Variants in ABCA1 observed in about 807,000 individuals in gnomAD.
ABCA1 encodes the protein phospholipid-transporting ATPase ABCA1.
In ABCA1, 133 loss-of-function variants were observed where a neutral mutation model predicts 262.5. The observed-to-expected ratio is 0.51, with a 90% CI of 0.44 to 0.59. The LOEUF (loss-of-function observed/expected upper bound fraction) is 0.59. ABCA1 is among the 20% of genes least tolerant of loss of function. The pLI, the probability that ABCA1 is intolerant of heterozygous loss-of-function variation, is 0.00. For synonymous variants in ABCA1, 1,022 were observed against 1,043.5 expected (o/e 0.98, Z 0.40); for missense variants, 2,452 against 2,777.5 (o/e 0.88, Z 2.63).
chr9:104,831,842 G>A lies in ABCA1; in HGVS notation c.1510-15C>T. 1 of 1,613,746 alleles carries A rather than the reference G, an allele frequency of 6.2e-7. No individual in the cohort carries two copies. The highest frequency in any genetic ancestry group is 1.1e-5 in the South Asian group (1 of 91,074). On this transcript the variant is annotated splice_polypyrimidine_tract_variant and intron_variant, in intron 12 of 49. Transcript: ENST00000374736. Reference sequence around the variant, plus strand: ...AGGTTGACACACTGATAGAAGAACAGCCTTCATGAGAACGTTGGCAGCCAG... The same window carrying A: ...AGGTTGACACACTGATAGAAGAACAACCTTCATGAGAACGTTGGCAGCCAG...
chr9:104,794,512 T>TTAA lies in ABCA1; in HGVS notation c.5383-3_5383-2insTTA, dbSNP rs1829705188. On this transcript the variant is annotated splice_polypyrimidine_tract_variant and splice_region_variant and intron_variant, in intron 39 of 49. Coordinates refer to ENST00000374736, the MANE Select transcript of ABCA1 (RefSeq NM_005502.4). ...GATATCATTGATATTATTCAGCTTC[T>TTAA]AAAAAAAAAAAAAAAAAATGGGAGG... is the stretch of plus-strand genomic sequence containing the variant. 3.9e-6 allele frequency: 5 copies of TTAA among 1,288,028 alleles called. No individual in the cohort carries two copies. Among genetic ancestry groups the TTAA allele is most frequent in the South Asian group, 2.9e-5 (2 of 69,314 alleles). The allele number at this position is 1,288,028 out of a possible 1,614,324, so 79.8% of individuals were successfully genotyped here. A position where few individuals can be genotyped will look rare whatever the true frequency, so the allele number is the denominator to read the frequency against.
intron 7 of ABCA1, among the ~76,000 whole-genome samples, chr9:104,848,609 G>A (rs114548000): frequency 0.017 from 2,397 of 144,368 alleles, 53 homozygotes; most frequent in African/African-American, 0.058. Flanking sequence ...AGTGAGACTC[G>A]GTCTCAGAAA....
chr9:104,844,749 G>A (rs1185661489), intron 8 of ABCA1, among the ~76,000 whole-genome samples: 1 of 152,188 alleles, frequency 6.6e-6, no homozygotes, highest in African/African-American at 2.4e-5. Flanking sequence ...TATTGTTTGT[G>A]AGCACTGCCC....
chr9:104,832,373 G>C (rs188835766), intron 12 of ABCA1, among the ~76,000 whole-genome samples: 36 of 152,326 alleles, frequency 2.4e-4, no homozygotes, highest in East Asian at 1.2e-3. Context: ...ACTAAAGCTA[G>C]AGTTTATTTA....
intron 33 of ABCA1, 81 bp downstream of exon 33, chr9:104,803,203 C>T: frequency 2.0e-6 from 3 of 1,500,466 alleles, no homozygotes; most frequent in South Asian, 1.1e-5. Flanking sequence ...GACAAACAAT[C>T]CCCAAGGCTT....
chr9:104,919,044 CTCT>C (rs1382444603), intron 1 of ABCA1, among the ~76,000 whole-genome samples: 1 of 152,176 alleles, frequency 6.6e-6, no homozygotes, highest in Non-Finnish European at 1.5e-5. Flanking sequence ...GGCCAGAAAC[CTCT>C]TCTTCCTTTT....
intron 1 of ABCA1, among the ~76,000 whole-genome samples, chr9:104,912,743 T>C (rs546419674): frequency 3.9e-5 from 6 of 152,270 alleles, no homozygotes; most frequent in African/African-American, 1.4e-4. Flanking sequence ...TTTTCCCTGG[T>C]CGGGGGGTAT....
chr9:104,873,443 G>A (rs80192261), intron 5 of ABCA1, among the ~76,000 whole-genome samples: 2,547 of 152,320 alleles, frequency 0.017, 71 homozygotes, highest in African/African-American at 0.058. Flanking sequence ...CTGAAGCCAG[G>A]AAGTGGAGTG....
chr9:104,843,341 C>G (rs914350239), intron 8 of ABCA1, among the ~76,000 whole-genome samples: 13 of 152,210 alleles, frequency 8.5e-5, no homozygotes, highest in African/African-American at 3.1e-4. Context: ...TTCCCATCAC[C>G]CAGATGTGAA....
chr9:104,821,673 G>A lies in ABCA1; in HGVS notation c.2829-167C>T, dbSNP rs73519850. 9.4e-3 allele frequency among the ~76,000 whole-genome samples: 1,426 copies of A among 152,140 alleles called. 24 individuals carry two copies. The highest frequency in any genetic ancestry group is 0.032 in the African/African-American group (1,316 of 41,502). ...CAAAGCAAAGCTGTCCTTTTGCTTCGGTAAATAACTACAAGTGGGCCTATG... is the reference window on the plus strand; with the variant it reads ...CAAAGCAAAGCTGTCCTTTTGCTTCAGTAAATAACTACAAGTGGGCCTATG... On this transcript the variant is annotated intron_variant, in intron 19 of 49. Transcript: ENST00000374736.
intron 2 of ABCA1, among the ~76,000 whole-genome samples, chr9:104,901,787 T>C (rs919195388): frequency 1.3e-4 from 20 of 152,190 alleles, no homozygotes; most frequent in African/African-American, 4.8e-4. Flanking sequence ...GTTAGTGGTG[T>C]GGACCTCAGA....
At position 104,806,323 on chromosome 9, in the gene ABCA1, G is replaced by A; in HGVS notation, c.4382C>T (p.Pro1461Leu). Residue 1461 changes from proline (P) to leucine (L), a missense_variant, in exon 31 of 50, where the codon CCT becomes CTT. By Grantham distance (98) the Pro-to-Leu change is moderately conservative. Around this residue, in one of 4 missense-constraint regions of ABCA1, gnomAD observed 665 missense variants for 727.3 expected, o/e 0.91. Transcript: ENST00000374736. Reference protein sequence around the residue: ...NGNWTMQNPSPACQCSSDKIK... With the variant: ...NGNWTMQNPSLACQCSSDKIK... The stretch of plus-strand genomic sequence containing the variant: ...TTTGTCGCTGCTACACTGGCATGCA[G>A]GTGAAGGGTTCTGCATTGTCCAGTT... 1 of 1,614,180 alleles carries A rather than the reference G, an allele frequency of 6.2e-7. No homozygotes were observed. The highest frequency in any genetic ancestry group is 8.5e-7 in the Non-Finnish European group (1 of 1,180,044).
chr9:104,825,775 T>C lies in ABCA1; in HGVS notation c.2450A>G (p.Asp817Gly). The change falls in exon 17 of 50, where the codon GAT becomes GGT. Residue 817 changes from aspartate (D) to glycine (G), a missense_variant. By Grantham distance (94) the Asp-to-Gly change is moderately conservative. Coordinates refer to ENST00000374736, the MANE Select transcript of ABCA1 (RefSeq NM_005502.4). ...GACCGAAGTGGTGAGATTGAAGCCA[T>C]CTTCCTCCACAGGACTCTCAAACAG... is the stretch of plus-strand genomic sequence containing the variant. ...DNLFESPVEEDGFNLTTSVSM... is the reference protein window; with the variant it reads ...DNLFESPVEEGGFNLTTSVSM... 6.2e-7 allele frequency: 1 copy of C among 1,614,216 alleles called. No homozygotes were observed.
At chr9:104,899,735 A>G (rs1299523039) in intron 2 of ABCA1, among the ~76,000 whole-genome samples, 1 of 151,896 alleles carries the variant, frequency 6.6e-6, no homozygotes, top group African/African-American at 2.4e-5. Flanking sequence ...CAGCCACATG[A>G]CTAGTCAGAT....
chr9:104,789,456 A>T (rs891844150), intron 44 of ABCA1, among the ~76,000 whole-genome samples: 3 of 152,232 alleles, frequency 2.0e-5, no homozygotes, highest in Non-Finnish European at 2.9e-5. Flanking sequence ...AAGAGACAGG[A>T]GAGGAGATCA....
Position 104,831,043 on chromosome 9 carries a change from C to T in ABCA1, c.1774G>A (p.Gly592Ser). ...PFEDMRYVWGGFAYLQDVVEQ... is the reference protein window; with the variant it reads ...PFEDMRYVWGSFAYLQDVVEQ... ...ACCACATCCTGCAAGTAGGCGAAGC[C>T]CCCCCAGACGTACCGCATGTCCTCA... Residue 592 changes from glycine (G) to serine (S), a missense_variant, in exon 14 of 50, where the codon GGC becomes AGC. Gly to Ser is a moderately conservative substitution (Grantham distance 56, BLOSUM62 0). Around this residue, in one of 4 missense-constraint regions of ABCA1, gnomAD observed 1,032 missense variants for 1,089.7 expected, o/e 0.95. Coordinates refer to ENST00000374736, the MANE Select transcript of ABCA1 (RefSeq NM_005502.4). The T allele has an allele frequency of 1.9e-6, 3 of 1,613,610 alleles. No individual in the cohort carries two copies. The highest frequency in any genetic ancestry group is 2.2e-5 in the East Asian group (1 of 44,840).
chr9:104,855,967 CAT>C (rs1564186913), intron 7 of ABCA1: 1 of 1,612,890 alleles, frequency 6.2e-7, no homozygotes, highest in South Asian at 1.1e-5. Context: ...TACAGAAGCA[CAT>C]ATTGAAAGAA....
rs1410066614 is a variant in ABCA1, at chr9:104,837,456, G to A, written c.1166C>T (p.Thr389Ile). The A allele has an allele frequency of 6.2e-7, 1 of 1,614,100 alleles. No homozygotes were observed. Among genetic ancestry groups the A allele is most frequent in the Non-Finnish European group, 8.5e-7 (1 of 1,179,952 alleles). ...AGCCATGACCTGCCTTGTGGCTGGA[G>A]TGTCAGGTGTATACAGGATCTTCCC... is the stretch of plus-strand genomic sequence containing the variant. ...LVGKILYTPD[T>I]PATRQVMAEV... The change falls in exon 10 of 50, where the codon ACT becomes ATT. Residue 389 changes from threonine (T) to isoleucine (I), a missense_variant. Thr to Ile is a moderately conservative substitution (Grantham distance 89). Coordinates refer to ENST00000374736, the MANE Select transcript of ABCA1 (RefSeq NM_005502.4).
At chr9:104,887,909 T>C (rs564035863) in intron 3 of ABCA1, among the ~76,000 whole-genome samples, 1 of 152,076 alleles carries the variant, frequency 6.6e-6, no homozygotes, top group East Asian at 1.9e-4. Context: ...GTATTTTTAG[T>C]AGAGACGAGG....
Sources: allele counts gnomAD v4.1 joint callset (sites outside exome capture counted in the v4.1 genomes callset), GRCh38; gene constraint gnomAD v4.1.1; regional missense constraint gnomAD v4.1.1; transcripts MANE v1.5; gene names NCBI Gene and HGNC (gene_info 2026-07-23, HGNC 2026-07-21).